PIBF1: variants seen among roughly 807,000 people sequenced by gnomAD.
The protein encoded by PIBF1 is progesterone-induced-blocking factor 1.
Under a neutral mutation model 112.5 loss-of-function variants are expected in PIBF1, and 90 were observed. The observed-to-expected ratio is 0.80, with a 90% CI of 0.67 to 0.95. The LOEUF (loss-of-function observed/expected upper bound fraction) is 0.95. Ranked by LOEUF, PIBF1 falls within the 40% of genes least tolerant of loss-of-function variation. PIBF1 has a pLI of 0.00. For missense variants in PIBF1, 915 were observed against 852.3 expected, an observed-to-expected ratio of 1.07 and a Z score of -0.92; for synonymous variants, 301 against 288.6, an observed-to-expected ratio of 1.04 and a Z score of -0.44.
chr13:72,943,139 A>T (rs2042056373), intron 14 of PIBF1, among the ~76,000 whole-genome samples: 1 of 152,210 alleles, frequency 6.6e-6, no homozygotes, highest in African/African-American at 2.4e-5. Flanking sequence ...ACTTTAATTC[A>T]TCAGCCTATC....
intron 10 of PIBF1, among the ~76,000 whole-genome samples, chr13:72,871,415 C>G (rs2039161560): frequency 6.6e-6 from 1 of 152,132 alleles, no homozygotes; most frequent in Admixed American, 6.5e-5. Context: ...GAGCAATTCT[C>G]CTGCCTCAGC....
intron 11 of PIBF1, among the ~76,000 whole-genome samples, chr13:72,903,272 C>G (rs930267608): frequency 6.6e-6 from 1 of 152,110 alleles, no homozygotes; most frequent in Non-Finnish European, 1.5e-5. Flanking sequence ...CATTCTCCCC[C>G]CCTAGACTAA....
chr13:72,958,270 A>T (rs996007103), intron 14 of PIBF1, among the ~76,000 whole-genome samples: 1 of 135,358 alleles, frequency 7.4e-6, no homozygotes, highest in African/African-American at 2.8e-5. Context: ...TGATTCCGCC[A>T]CTGCACTCCA....
chr13:72,817,914 C>T (rs182661374), intron 5 of PIBF1, among the ~76,000 whole-genome samples: 72 of 152,050 alleles, frequency 4.7e-4, no homozygotes, highest in Admixed American at 8.5e-4. Context: ...ATTCAAAATA[C>T]GAAAGTAATA....
chr13:72,796,046 A>G (rs2035175788), intron 4 of PIBF1, among the ~76,000 whole-genome samples: 1 of 152,136 alleles, frequency 6.6e-6, no homozygotes, highest in Non-Finnish European at 1.5e-5. Context: ...TACATTCTAA[A>G]AGTTATTGAG....
chr13:72,971,254 C>T (rs1020679893), intron 15 of PIBF1, among the ~76,000 whole-genome samples: 2 of 149,660 alleles, frequency 1.3e-5, no homozygotes, highest in Non-Finnish European at 3.0e-5. Flanking sequence ...TGCTTATATA[C>T]CGTGGTTATA....
chr13:72,815,169 A>G (rs1252110343), intron 5 of PIBF1, among the ~76,000 whole-genome samples: 1 of 152,232 alleles, frequency 6.6e-6, no homozygotes, highest in Non-Finnish European at 1.5e-5. Context: ...GCTTATTACT[A>G]CAGATGTAAA....
intron 9 of PIBF1, among the ~76,000 whole-genome samples, chr13:72,841,411 C>T (rs1184787657): frequency 1.3e-5 from 2 of 152,150 alleles, no homozygotes; most frequent in African/African-American, 4.8e-5. Flanking sequence ...GATCCTGGTT[C>T]TACCACTTAC....
chr13:72,899,751 C>T (rs1169592765), intron 11 of PIBF1, among the ~76,000 whole-genome samples: 1 of 152,062 alleles, frequency 6.6e-6, no homozygotes, highest in Non-Finnish European at 1.5e-5. Flanking sequence ...GAAGTCCTAG[C>T]CAAAGCAATC....
At chr13:73,013,230 G>C (rs1429116610) in intron 17 of PIBF1, among the ~76,000 whole-genome samples, 1 of 150,080 alleles carries the variant, frequency 6.7e-6, no homozygotes, top group African/African-American at 2.5e-5. Flanking sequence ...GAACCCGGGA[G>C]GCGGAGCTTG....
chr13:72,995,491 T>C (rs1427296975), intron 16 of PIBF1, among the ~76,000 whole-genome samples: 2 of 152,000 alleles, frequency 1.3e-5, no homozygotes, highest in Admixed American at 1.3e-4. Flanking sequence ...ATAATATACT[T>C]ACAGCAGTTT....
chr13:72,966,188 G>T (rs1000698335), intron 15 of PIBF1, among the ~76,000 whole-genome samples: 1 of 152,078 alleles, frequency 6.6e-6, no homozygotes, highest in Non-Finnish European at 1.5e-5. Flanking sequence ...AGGAGAAGAT[G>T]GTTGTTAAAT....
At chr13:72,873,563 C>T (rs548341498) in intron 10 of PIBF1, among the ~76,000 whole-genome samples, 51 of 152,000 alleles carry the variant, frequency 3.4e-4, no homozygotes, top group African/African-American at 1.2e-3. Context: ...TCGCCACGCC[C>T]GGCTAATTTT....
chr13:72,870,002 T>C lies in PIBF1; in HGVS notation c.1322+15847T>C, dbSNP rs891679067. 9.8e-5 allele frequency among the ~76,000 whole-genome samples: 15 copies of C among 152,346 alleles called. No individual in the cohort carries two copies. The East Asian group carries it at 2.7e-3, about 27-fold the overall frequency. On this transcript the variant is annotated intron_variant, in intron 10 of 17. Coordinates refer to ENST00000326291, the MANE Select transcript of PIBF1 (RefSeq NM_006346.4). ...AATTTTGTTTGTAAAAATTATAATT[T>C]AATTGTATAAGCACTTTTATGAATT...
chr13:73,003,340 C>T (rs1002840272), intron 17 of PIBF1, among the ~76,000 whole-genome samples: 1 of 151,858 alleles, frequency 6.6e-6, no homozygotes, highest in African/African-American at 2.4e-5. Context: ...GCAACCTCCG[C>T]CTCCTGGGTT....
intron 14 of PIBF1, among the ~76,000 whole-genome samples, chr13:72,960,530 AT>A (rs2138892513): frequency 6.6e-6 from 1 of 152,350 alleles, no homozygotes; most frequent in South Asian, 2.1e-4. Context: ...TGCTGCTGTT[AT>A]GTTTTGTGCA....
intron 16 of PIBF1, among the ~76,000 whole-genome samples, chr13:72,985,298 CAG>C (rs2043250803): frequency 7.0e-6 from 1 of 142,804 alleles, no homozygotes; most frequent in African/African-American, 2.6e-5. Flanking sequence ...GAGGCCGAAG[CAG>C]GGGGATCACG....
intron 14 of PIBF1, 135 bp downstream of exon 14, chr13:72,931,402 C>T (rs1244685549): frequency 4.4e-6 from 3 of 689,236 alleles, no homozygotes; most frequent in African/African-American, 3.7e-5. Context: ...ATGAAACTAA[C>T]TGAATGTTAA....
intron 14 of PIBF1, among the ~76,000 whole-genome samples, chr13:72,935,076 C>T (rs905434305): frequency 4.6e-5 from 7 of 152,128 alleles, no homozygotes; most frequent in Non-Finnish European, 7.3e-5. Flanking sequence ...ACCTCTGCCT[C>T]CTGGGTTCAA....
Sources: allele counts gnomAD v4.1 joint callset (sites outside exome capture counted in the v4.1 genomes callset), GRCh38; gene constraint gnomAD v4.1.1; transcripts MANE v1.5; gene names NCBI Gene and HGNC (gene_info 2026-07-23, HGNC 2026-07-21).